BRI3: variants seen among roughly 807,000 people sequenced by gnomAD.
BRI3 encodes the protein brain protein I3, also known as membrane protein BRI3.
Under a neutral mutation model 12.8 loss-of-function variants are expected in BRI3, and 6 were observed. The observed-to-expected ratio is 0.47, with a 90% CI of 0.26 to 0.93. The LOEUF is 0.93. BRI3 is among the 40% of genes least tolerant of loss of function. BRI3 has a pLI of 0.15. For missense variants in BRI3, 134 were observed against 171.1 expected (o/e 0.78, Z 1.21); for synonymous variants, 91 against 76.1 (o/e 1.20, Z -1.02).
downstream of BRI3, chr7:98,291,578 C>T (rs115393163): frequency 4.2e-3 from 4,506 of 1,078,586 alleles, 151 homozygotes; most frequent in African/African-American, 0.069. Context: ...AAGACTGGAA[C>T]GACACCCCCA....
downstream of BRI3, chr7:98,293,305 T>G (rs535457905): frequency 1.5e-5 from 7 of 476,552 alleles, no homozygotes; most frequent in African/African-American, 9.7e-5. Flanking sequence ...TTTAAATGGC[T>G]GAGCTGGTCA....
At chr7:98,293,362 A>G (rs1206934889), downstream of BRI3, 7 of 655,736 alleles carry the variant, frequency 1.1e-5, no homozygotes, top group African/African-American at 8.9e-5. Context: ...TGTCAACCCA[A>G]CTACGTGAAA....
At chr7:98,315,124 T>C (rs562335347), downstream of BRI3, among the ~76,000 whole-genome samples, 3 of 152,112 alleles carry the variant, frequency 2.0e-5, no homozygotes, top group South Asian at 6.2e-4. Context: ...TATATCTCTG[T>C]ACGTATGGAC....
chr7:98,312,406 C>T, downstream of BRI3: 1 of 838,246 alleles, frequency 1.2e-6, no homozygotes, highest in South Asian at 1.8e-5. Flanking sequence ...TCGGTGAGCA[C>T]TTTAAGCACC....
chr7:98,295,041 G>A (rs116581348), downstream of BRI3, among the ~76,000 whole-genome samples: 1,790 of 152,300 alleles, frequency 0.012, 38 homozygotes, highest in African/African-American at 0.041. Context: ...CCTGTGGCCC[G>A]GCCACACCGT....
At chr7:98,305,042 TTTTTG>T (rs1329989961), upstream of BRI3, among the ~76,000 whole-genome samples, 49 of 123,076 alleles carry the variant, frequency 4.0e-4, no homozygotes, top group African/African-American at 1.6e-3. Flanking sequence ...ATTTTTTTGT[TTTTTG>T]TTTTTTTTTT....
intron 1 of BRI3, among the ~76,000 whole-genome samples, chr7:98,299,805 C>T (rs1025917234): frequency 2.0e-5 from 3 of 152,198 alleles, no homozygotes; most frequent in African/African-American, 7.2e-5. Context: ...CTTTGGGAGG[C>T]TGAGGCGGGA....
exon 2 of BRI3, chr7:98,307,748 C>T (rs140203225): frequency 2.2e-5 from 36 of 1,614,122 alleles, no homozygotes; most frequent in East Asian, 2.2e-4. Context: ...GGATGAGCAG[C>T]GTGATGACAT....
At chr7:98,304,146 C>T (rs372375439), upstream of BRI3, 17 of 1,489,630 alleles carry the variant, frequency 1.1e-5, no homozygotes, top group East Asian at 2.5e-5. Flanking sequence ...GCCTCCCAGT[C>T]GGGGATGGCG....
upstream of BRI3, chr7:98,304,367 T>G: frequency 6.2e-7 from 1 of 1,613,436 alleles, no homozygotes; most frequent in Non-Finnish European, 8.5e-7. Context: ...TGCTTCTCAC[T>G]GGTGTGGGGC....
chr7:98,301,475 G>GTATATATATA lies in BRI3; in HGVS notation c.72-4998_72-4989dup, dbSNP rs60741017. The stretch of plus-strand genomic sequence containing the variant: ...AAAGCCTTCTAGCTTTTTTTTTTTG[G>GTATATATATA]TATATATATATATATATATTTTAAG... On this transcript the variant is annotated intron_variant and NMD_transcript_variant, in intron 1 of 2. Coordinates refer to the BRI3 transcript ENST00000491463. Among the ~76,000 whole-genome samples the GTATATATATA allele has an allele frequency of 4.1e-3, 581 of 142,288 alleles. 1 individual carries two copies. The highest frequency in any genetic ancestry group is 6.0e-3 in the African/African-American group (235 of 39,014). The allele number at this position is 142,288 out of a possible 152,430, so 93.3% of individuals were successfully genotyped here.
upstream of BRI3, among the ~76,000 whole-genome samples, chr7:98,302,331 CACTT>C (rs1276662155): frequency 2.6e-5 from 4 of 152,184 alleles, no homozygotes; most frequent in East Asian, 1.9e-4. Context: ...TCAGTGCTCT[CACTT>C]ACAATGCCAG....
At chr7:98,294,015 G>T, downstream of BRI3, 1 of 1,573,020 alleles carries the variant, frequency 6.4e-7, no homozygotes, top group Non-Finnish European at 8.7e-7. Flanking sequence ...CCCTTCCGGG[G>T]GACACTACAG....
At chr7:98,294,767 G>T (rs1800115803), downstream of BRI3, among the ~76,000 whole-genome samples, 2 of 152,208 alleles carry the variant, frequency 1.3e-5, no homozygotes, top group South Asian at 4.1e-4. Flanking sequence ...TGGCTTTGGG[G>T]CTGCTAGAGC....
At chr7:98,307,841 G>A (rs1800718521) in exon 2 of BRI3, 2 of 1,614,106 alleles carry the variant, frequency 1.2e-6, no homozygotes, top group Non-Finnish European at 1.7e-6. Flanking sequence ...TCTTCATCAT[G>A]TTCAGTCCCG....
At chr7:98,320,236 C>T in the BRI3 span, 1 of 1,607,410 alleles carries the variant, frequency 6.2e-7, no homozygotes, top group Non-Finnish European at 8.5e-7. Context: ...AGATCACGTA[C>T]ATTTTCATCA....
chr7:98,307,495 ATG>A, intron 1 of BRI3: 1 of 1,431,702 alleles, frequency 7.0e-7, no homozygotes, highest in Non-Finnish European at 9.1e-7. Flanking sequence ...CATGCACCAA[ATG>A]TATCTCTACA....
intron 2 of BRI3, 149 bp from the exon 3 acceptor site, chr7:98,290,962 G>A: frequency 1.5e-6 from 1 of 682,104 alleles, no homozygotes; most frequent in Middle Eastern, 4.3e-4. Flanking sequence ...GCTGGGTGGT[G>A]GGGTGGGGGG....
intron 1 of BRI3, among the ~76,000 whole-genome samples, chr7:98,299,172 T>G (rs1160289868): frequency 1.3e-5 from 2 of 152,012 alleles, no homozygotes; most frequent in Non-Finnish European, 2.9e-5. Context: ...CCTGCCACCA[T>G]GCCCAGCTAA....
Sources: gnomAD v4.1 joint callset for allele counts (sites outside exome capture counted in the v4.1 genomes callset) on GRCh38, gnomAD v4.1.1 for gene constraint, MANE v1.5 for transcripts, NCBI Gene and HGNC (gene_info 2026-07-23, HGNC 2026-07-21) for gene names.